The following RYK variants were observed in gnomAD, a reference collection of about 807,000 sequenced individuals.
The protein encoded by RYK is inactive tyrosine-protein kinase RYK.
RYK carries 21 observed loss-of-function variants against 70.2 expected under a neutral mutation model. The observed-to-expected ratio is 0.30, with a 90% CI of 0.21 to 0.43. RYK has a LOEUF of 0.43. Among genes scored for constraint, RYK ranks in the 20% least tolerant of loss-of-function variants. The pLI is 1.00. For missense variants in RYK, 604 were observed against 753.3 expected (o/e 0.80, Z 2.32); for synonymous variants, 267 against 278.0 (o/e 0.96, Z 0.39).
chr3:134,167,376 T>C (rs1225340324), intron 13 of RYK, among the ~76,000 whole-genome samples: 3 of 152,152 alleles, frequency 2.0e-5, no homozygotes, highest in Non-Finnish European at 2.9e-5. Context: ...CAAAACAGCA[T>C]GGTACTGGTA....
intron 6 of RYK, among the ~76,000 whole-genome samples, chr3:134,198,799 A>C (rs1254903505): frequency 3.9e-5 from 6 of 152,228 alleles, no homozygotes; most frequent in Non-Finnish European, 7.3e-5. Context: ...ATTCAACCAA[A>C]TAGTTACTGA....
rs766887806 is a variant in RYK at position 134,246,085 on chromosome 3, TAAGTA to T, written c.232+4333_232+4337del. On this transcript the variant is annotated intron_variant, in intron 1 of 14. Transcript: ENST00000623711. ...AAAATAAAAATACACACATCAGAGA[TAAGTA>T]AAGATAATACATCCATAAAATAAGA... 9.9e-5 allele frequency among the ~76,000 whole-genome samples: 15 copies of T among 151,404 alleles called. No homozygotes were observed. In the East Asian group the frequency reaches 1.8e-3, roughly 18 times the overall value.
At chr3:134,178,322 G>A (rs1249013736) in intron 10 of RYK, 3 of 348,528 alleles carry the variant, frequency 8.6e-6, no homozygotes, top group Non-Finnish European at 1.5e-5. Context: ...GTTGCTTCCT[G>A]TGGGCTGGAT....
At chr3:134,194,879 CTT>C (rs2013765167) in intron 7 of RYK, among the ~76,000 whole-genome samples, 1 of 152,186 alleles carries the variant, frequency 6.6e-6, no homozygotes, top group Non-Finnish European at 1.5e-5. Context: ...TTCTAGCAAA[CTT>C]AAATTTCATT....
At chr3:134,164,721 T>C in intron 13 of RYK, among the ~76,000 whole-genome samples, 1 of 152,400 alleles carries the variant, frequency 6.6e-6, no homozygotes, top group Middle Eastern at 3.4e-3. Flanking sequence ...ATCTGCGTAG[T>C]GTTGGTAAGA....
intron 10 of RYK, chr3:134,179,315 A>G (rs1019099584): frequency 6.6e-6 from 1 of 152,232 alleles, no homozygotes; most frequent in African/African-American, 2.4e-5. Context: ...AACCCCAGTT[A>G]TAAAACCGTG....
intron 2 of RYK, among the ~76,000 whole-genome samples, chr3:134,218,637 A>G (rs2014635026): frequency 6.6e-6 from 1 of 152,200 alleles, no homozygotes; most frequent in Non-Finnish European, 1.5e-5. Context: ...ACACTAAATG[A>G]CTGGCTAGAT....
intron 1 of RYK, 83 bp from the exon 2 acceptor site, chr3:134,222,622 G>GT (rs1277225951): frequency 6.7e-6 from 8 of 1,202,744 alleles, no homozygotes; most frequent in Non-Finnish European, 9.3e-6. Flanking sequence ...TACAAATAGA[G>GT]TGAAGATAAT....
chr3:134,209,068 A>G (rs2014310469), intron 4 of RYK, among the ~76,000 whole-genome samples: 1 of 152,212 alleles, frequency 6.6e-6, no homozygotes, highest in Non-Finnish European at 1.5e-5. Flanking sequence ...ATGACCTAGC[A>G]TGCTGGAACT....
Position 134,158,234 on chromosome 3 carries a change from TA to T in RYK, c.1742del (p.Leu581Ter). 1.3e-6 allele frequency: 2 copies of T among 1,573,428 alleles called. No individual in the cohort carries two copies. The highest frequency in any genetic ancestry group is 2.3e-5 in the East Asian group (1 of 43,040). On this transcript the variant is annotated frameshift_variant, in exon 15 of 15. Transcript: ENST00000623711. LOFTEE classifies it high-confidence loss of function. ...LFAVMACCWA[L>X]DPEERPKFQQ... ...GAAACTTGGGCCTCTCCTCTGGATC[TA>T]AGGCCCAGCAACAGGCCATCACAGC...
intron 6 of RYK, among the ~76,000 whole-genome samples, chr3:134,199,314 T>C (rs2013913976): frequency 6.6e-6 from 1 of 152,220 alleles, no homozygotes; most frequent in African/African-American, 2.4e-5. Context: ...CACGGAGCCA[T>C]GGGCTCCATC....
chr3:134,162,769 T>C lies in RYK; in HGVS notation c.1576-3396A>G, dbSNP rs144234142. Among the ~76,000 whole-genome samples the C allele has an allele frequency of 1.2e-3, 175 of 149,396 alleles. 1 individual carries two copies. Among genetic ancestry groups the C allele is most frequent in the African/African-American group, 3.6e-3 (147 of 40,584 alleles). On this transcript the variant is annotated intron_variant, in intron 13 of 14. Transcript: ENST00000623711. ...TTTTTAAAATCGTGTCCAATTTCCA[T>C]AGAGAAGGTAGTTCCCTGCACAGAT...
intron 3 of RYK, among the ~76,000 whole-genome samples, 186 bp from the exon 4 acceptor site, chr3:134,210,015 T>A (rs570035122): frequency 6.6e-6 from 1 of 152,312 alleles, no homozygotes; most frequent in South Asian, 2.1e-4. Context: ...CCTCTAGACA[T>A]TAAGCATTTA....
intron 1 of RYK, among the ~76,000 whole-genome samples, chr3:134,224,974 A>G (rs2014858952): frequency 6.7e-6 from 1 of 149,302 alleles, no homozygotes; most frequent in Admixed American, 6.8e-5. Flanking sequence ...TGTTCTATAT[A>G]TTTTCTTTAT....
rs2012308819 is a variant in RYK at position 134,157,992 on chromosome 3, CT to C, written c.*160del. 2 of 402,444 alleles carry C rather than the reference CT, an allele frequency of 5.0e-6. No individual in the cohort carries two copies. Among genetic ancestry groups the C allele is most frequent in the East Asian group, 7.1e-5 (2 of 28,066 alleles). 24.9% of individuals were successfully genotyped at this position (402,444 alleles called of 1,614,324 possible). A position where few individuals can be genotyped will look rare whatever the true frequency, so the allele number is the denominator to read the frequency against. On this transcript the variant is annotated 3_prime_UTR_variant, in exon 15 of 15. Transcript: ENST00000623711. ...TAGAAAATATGCCACATTATTAAGT[CT>C]GTCTTAAAAAGTTCAGATTCTAAAG...
chr3:134,229,264 C>CCT (rs2014991482), intron 1 of RYK, among the ~76,000 whole-genome samples: 1 of 151,554 alleles, frequency 6.6e-6, no homozygotes, highest in African/African-American at 2.4e-5. Context: ...TTTTCTTCTT[C>CCT]CCCCTCCGCC....
At chr3:134,238,063 T>C (rs2015235995) in intron 1 of RYK, among the ~76,000 whole-genome samples, 1 of 152,200 alleles carries the variant, frequency 6.6e-6, no homozygotes, top group South Asian at 2.1e-4. Flanking sequence ...ATCGATAAAA[T>C]AACAGTTTGT....
At chr3:134,194,034 A>G (rs1023017737) in intron 7 of RYK, among the ~76,000 whole-genome samples, 2 of 152,216 alleles carry the variant, frequency 1.3e-5, no homozygotes, top group African/African-American at 4.8e-5. Context: ...CCTCAATGGC[A>G]GAGTTCCCCA....
intron 1 of RYK, among the ~76,000 whole-genome samples, chr3:134,244,070 A>G (rs1265036697): frequency 1.3e-5 from 2 of 152,170 alleles, no homozygotes; most frequent in African/African-American, 4.8e-5. Flanking sequence ...TTTCCAGAAG[A>G]TATTTATTTT....
Sources: gnomAD v4.1 joint callset for allele counts (sites outside exome capture counted in the v4.1 genomes callset) on GRCh38, gnomAD v4.1.1 for gene constraint, MANE v1.5 for transcripts, NCBI Gene and HGNC (gene_info 2026-07-23, HGNC 2026-07-21) for gene names.